BCAT1: variants seen among roughly 807,000 people sequenced by gnomAD.
BCAT1 encodes the protein branched chain amino acid transaminase 1, also known as branched-chain-amino-acid aminotransferase, cytosolic.
In BCAT1, 48 loss-of-function variants were observed where a neutral mutation model predicts 52.4. That is an observed-to-expected ratio of 0.92 (90% CI 0.73 to 1.16). The LOEUF is 1.16. BCAT1 is among the 50% of genes most tolerant of loss of function. The probability of loss-of-function intolerance (pLI) is 0.00; values close to 1 mark genes in which losing one functional copy is unlikely to be tolerated. For synonymous variants in BCAT1, 167 were observed against 161.3 expected (o/e 1.04, Z -0.27); for missense variants, 451 against 457.1 (o/e 0.99, Z 0.12).
intron 2 of BCAT1, among the ~76,000 whole-genome samples, chr12:24,898,036 A>G (rs961176654): frequency 5.9e-5 from 9 of 152,216 alleles, no homozygotes; most frequent in African/African-American, 2.2e-4. Flanking sequence ...AATAAAGTTC[A>G]AACGTAAACA....
chr12:24,837,866 C>T lies in BCAT1; in HGVS notation c.818-1270G>A, dbSNP rs115391533. 3.0e-3 allele frequency among the ~76,000 whole-genome samples: 458 copies of T among 152,300 alleles called. 3 individuals are homozygous for T. Among genetic ancestry groups the T allele is most frequent in the African/African-American group, 0.011 (442 of 41,566 alleles). On this transcript the variant is annotated intron_variant, in intron 7 of 10. Transcript: ENST00000261192. The stretch of plus-strand genomic sequence containing the variant: ...GCACGTGTACGGTTAAAAAAGAAGA[C>T]ATTCAAGAAACAAAACTCCAAAGCT...
At chr12:24,945,590 T>C (rs1246405735) in intron 1 of BCAT1, 1 of 152,208 alleles carries the variant, frequency 6.6e-6, no homozygotes. Context: ...CCCAGCACTT[T>C]GGGAGGCCGA....
chr12:24,883,765 A>G (rs1451963839), intron 3 of BCAT1, among the ~76,000 whole-genome samples: 1 of 152,110 alleles, frequency 6.6e-6, no homozygotes, highest in African/African-American at 2.4e-5. Context: ...GCAGAGTGCA[A>G]TCATTCTACC....
At chr12:24,827,572 A>T (rs977430877) in intron 10 of BCAT1, among the ~76,000 whole-genome samples, 8 of 152,198 alleles carry the variant, frequency 5.3e-5, no homozygotes, top group Non-Finnish European at 1.0e-4. Flanking sequence ...TGGGCAAATC[A>T]CTTGAGGCTA....
At chr12:24,841,103 T>C (rs1822906279) in intron 7 of BCAT1, among the ~76,000 whole-genome samples, 1 of 152,142 alleles carries the variant, frequency 6.6e-6, no homozygotes, top group South Asian at 2.1e-4. Context: ...TAATGAGTAC[T>C]CAGGATATTA....
At chr12:24,875,103 T>C (rs1035238633) in intron 5 of BCAT1, among the ~76,000 whole-genome samples, 23 of 149,876 alleles carry the variant, frequency 1.5e-4, no homozygotes, top group African/African-American at 5.7e-4. Flanking sequence ...ACATGCAACA[T>C]AAAAAGATAA....
chr12:24,831,345 G>A (rs891358864), intron 9 of BCAT1, among the ~76,000 whole-genome samples: 2 of 152,112 alleles, frequency 1.3e-5, no homozygotes, highest in African/African-American at 4.8e-5. Flanking sequence ...TTAAGTTTTT[G>A]GGAAGTCAAA....
chr12:24,944,003 A>G (rs892308114), intron 1 of BCAT1, among the ~76,000 whole-genome samples: 1 of 152,014 alleles, frequency 6.6e-6, no homozygotes, highest in Non-Finnish European at 1.5e-5. Context: ...AAAAAAAAAA[A>G]GTAGTTTGCA....
At chr12:24,883,950 C>G (rs932074649) in intron 3 of BCAT1, among the ~76,000 whole-genome samples, 15 of 152,174 alleles carry the variant, frequency 9.9e-5, no homozygotes, top group African/African-American at 3.1e-4. Context: ...ACAGTGCGAT[C>G]CAGTACCTAA....
At chr12:24,889,954 A>G (rs1226366637) in intron 3 of BCAT1, among the ~76,000 whole-genome samples, 5 of 152,212 alleles carry the variant, frequency 3.3e-5, no homozygotes. Context: ...GAGCTTCCGG[A>G]TAGCAGAACA....
intron 3 of BCAT1, among the ~76,000 whole-genome samples, chr12:24,886,484 C>T (rs575350264): frequency 5.3e-5 from 8 of 152,082 alleles, no homozygotes; most frequent in Admixed American, 3.9e-4. Context: ...AAACGGTGCT[C>T]GATGAAAAAA....
intron 1 of BCAT1, among the ~76,000 whole-genome samples, chr12:24,925,712 G>C (rs1175931092): frequency 2.0e-5 from 3 of 152,098 alleles, no homozygotes; most frequent in Non-Finnish European, 4.4e-5. Flanking sequence ...GCCTCAGCCT[G>C]CCGAGTGCCT....
intron 7 of BCAT1, 126 bp downstream of exon 7, chr12:24,841,956 C>G: frequency 9.1e-7 from 1 of 1,096,010 alleles, no homozygotes; most frequent in South Asian, 1.7e-5. Flanking sequence ...AGCAAAAGCA[C>G]AGTAGTCCTT....
In BCAT1 at chr12:24,921,442, T is replaced by C. The variant is rs139698290; in HGVS notation, c.7-19557A>G. 4.6e-5 allele frequency among the ~76,000 whole-genome samples: 7 copies of C among 152,254 alleles called. No homozygotes were observed. In the East Asian group the frequency reaches 9.7e-4, roughly 21 times the overall value. Reference sequence around the variant, plus strand: ...AGACTTGGTGTGATCCTCCAGTGAGTTAAAACATACCTCCTCCAAAAGTCT... The same window carrying C: ...AGACTTGGTGTGATCCTCCAGTGAGCTAAAACATACCTCCTCCAAAAGTCT... On this transcript the variant is annotated intron_variant, in intron 1 of 10. Transcript: ENST00000261192.
intron 5 of BCAT1, 76 bp downstream of exon 5, chr12:24,878,454 G>T: frequency 7.2e-7 from 1 of 1,392,286 alleles, no homozygotes; most frequent in Non-Finnish European, 9.6e-7. Context: ...CAAACTATAT[G>T]CTAGAAGTTT....
intron 9 of BCAT1, among the ~76,000 whole-genome samples, chr12:24,831,632 G>A (rs1940670978): frequency 6.6e-6 from 1 of 152,218 alleles, no homozygotes; most frequent in Non-Finnish European, 1.5e-5. Context: ...ACAGGTGACA[G>A]AGAAAGACCC....
intron 5 of BCAT1, among the ~76,000 whole-genome samples, chr12:24,863,454 A>G (rs1941909505): frequency 6.6e-6 from 1 of 152,254 alleles, no homozygotes; most frequent in Admixed American, 6.5e-5. Flanking sequence ...CAACGTTTGA[A>G]GAGTGGAAAA....
chr12:24,887,098 T>A (rs1206597549), intron 3 of BCAT1, among the ~76,000 whole-genome samples: 27 of 99,948 alleles, frequency 2.7e-4, no homozygotes, highest in Non-Finnish European at 3.6e-4. Flanking sequence ...TATATATATA[T>A]ATATATATAT....
At chr12:24,853,600 AT>A (rs112717689) in intron 5 of BCAT1, among the ~76,000 whole-genome samples, 202 of 152,210 alleles carry the variant, frequency 1.3e-3, no homozygotes, top group African/African-American at 4.6e-3. Flanking sequence ...TCTCACATAA[AT>A]TTTTTTTAAT....
Sources: gnomAD v4.1 joint callset for allele counts (sites outside exome capture counted in the v4.1 genomes callset) on GRCh38, gnomAD v4.1.1 for gene constraint, MANE v1.5 for transcripts, NCBI Gene and HGNC (gene_info 2026-07-23, HGNC 2026-07-21) for gene names.